Variants in STIMATE observed in about 807,000 individuals in gnomAD.
STIMATE encodes store-operated calcium entry regulator STIMATE.
Under a neutral mutation model 36.7 loss-of-function variants are expected in STIMATE, and 15 were observed. The ratio of observed to expected loss-of-function variants is 0.41; its 90% CI spans 0.27 to 0.63. The LOEUF is 0.63. STIMATE is among the 20% of genes least tolerant of loss of function. The probability of loss-of-function intolerance (pLI) is 0.32; values close to 1 mark genes in which losing one functional copy is unlikely to be tolerated. For missense variants in STIMATE, 305 were observed against 397.3 expected, an observed-to-expected ratio of 0.77 and a Z score of 1.98; for synonymous variants, 163 against 162.3, an observed-to-expected ratio of 1.00 and a Z score of -0.03.
intron 1 of STIMATE, among the ~76,000 whole-genome samples, chr3:52,876,023 TA>T (rs1701498789): frequency 1.3e-5 from 2 of 152,192 alleles, no homozygotes; most frequent in African/African-American, 4.8e-5. Flanking sequence ...CTCTACTCCC[TA>T]AAGCCAGTAT....
intron 1 of STIMATE, among the ~76,000 whole-genome samples, chr3:52,887,385 C>A (rs918193992): frequency 6.6e-6 from 1 of 152,166 alleles, no homozygotes; most frequent in African/African-American, 2.4e-5. Context: ...TGGACCGGAC[C>A]CAGGCACAGG....
At chr3:52,888,241 G>A (rs1450353239) in intron 1 of STIMATE, among the ~76,000 whole-genome samples, 4 of 151,970 alleles carry the variant, frequency 2.6e-5, no homozygotes, top group Non-Finnish European at 5.9e-5. Context: ...AACATACAAC[G>A]GGCTGCCTCA....
At chr3:52,853,220 A>C (rs973523448) in intron 2 of STIMATE, among the ~76,000 whole-genome samples, 5 of 152,342 alleles carry the variant, frequency 3.3e-5, no homozygotes, top group African/African-American at 1.2e-4. Context: ...CTCTGTCTCA[A>C]TTCCTCAGCC....
chr3:52,869,998 T>C (rs549201302), intron 1 of STIMATE, among the ~76,000 whole-genome samples: 2 of 152,324 alleles, frequency 1.3e-5, no homozygotes, highest in East Asian at 3.9e-4. Context: ...ATGCACATGC[T>C]AGCAAGAAGC....
chr3:52,855,655 C>G (rs188758338), intron 1 of STIMATE, among the ~76,000 whole-genome samples: 1 of 152,204 alleles, frequency 6.6e-6, no homozygotes, highest in African/African-American at 2.4e-5. Flanking sequence ...GAACTGGACA[C>G]TTAGGGAGAA....
intron 1 of STIMATE, among the ~76,000 whole-genome samples, chr3:52,885,397 T>C (rs1184239323): frequency 6.6e-6 from 1 of 152,218 alleles, no homozygotes; most frequent in Non-Finnish European, 1.5e-5. Flanking sequence ...TCAAGGCTTG[T>C]TTTTAAACTT....
intron 1 of STIMATE, among the ~76,000 whole-genome samples, chr3:52,888,121 T>C (rs1701724016): frequency 6.7e-6 from 1 of 150,214 alleles, no homozygotes; most frequent in Non-Finnish European, 1.5e-5. Context: ...ACTATGTCTT[T>C]AGGACCGTAA....
chr3:52,887,272 T>G (rs1235081992), intron 1 of STIMATE, among the ~76,000 whole-genome samples: 2 of 152,234 alleles, frequency 1.3e-5, no homozygotes, highest in East Asian at 3.8e-4. Context: ...CCCAGCCTCC[T>G]TCCACCTCCC....
intron 1 of STIMATE, among the ~76,000 whole-genome samples, chr3:52,875,786 C>A (rs1701494711): frequency 6.6e-6 from 1 of 152,190 alleles, no homozygotes; most frequent in South Asian, 2.1e-4. Context: ...ATGATTACAC[C>A]TGCCCTCTTG....
At chr3:52,873,346 C>T (rs112494381) in intron 1 of STIMATE, among the ~76,000 whole-genome samples, 4,710 of 152,274 alleles carry the variant, frequency 0.031, 285 homozygotes, top group African/African-American at 0.11. Flanking sequence ...TTAATAACAG[C>T]AATTTTGAAG....
intron 1 of STIMATE, among the ~76,000 whole-genome samples, chr3:52,887,979 C>A: frequency 8.3e-6 from 1 of 119,902 alleles, no homozygotes; most frequent in South Asian, 3.0e-4. Context: ...GCTCTAACTT[C>A]ATATAACAGA....
At chr3:52,887,992 C>G in intron 1 of STIMATE, among the ~76,000 whole-genome samples, 1 of 34,786 alleles carries the variant, frequency 2.9e-5, no homozygotes, top group African/African-American at 8.0e-5. Context: ...ATAACAGAAT[C>G]AGTTTTTTTT....
chr3:52,844,755 G>C, intron 5 of STIMATE, 74 bp downstream of exon 5: 1 of 1,553,284 alleles, frequency 6.4e-7, no homozygotes, highest in Non-Finnish European at 8.8e-7. Flanking sequence ...TAGAGTTGGC[G>C]TATGTGGGTG....
At chr3:52,843,382 G>A (rs901023720) in intron 6 of STIMATE, among the ~76,000 whole-genome samples, 7 of 152,074 alleles carry the variant, frequency 4.6e-5, no homozygotes, top group Non-Finnish European at 8.8e-5. Flanking sequence ...AGTTTCTCAA[G>A]ATCCGTGGTC....
At chr3:52,853,944 T>C (rs1701050927) in intron 2 of STIMATE, among the ~76,000 whole-genome samples, 1 of 152,238 alleles carries the variant, frequency 6.6e-6, no homozygotes, top group Non-Finnish European at 1.5e-5. Flanking sequence ...TTCCAAGTGA[T>C]GTATTATTTT....
chr3:52,893,857 C>T (rs559753550), intron 1 of STIMATE, among the ~76,000 whole-genome samples: 3 of 152,276 alleles, frequency 2.0e-5, no homozygotes, highest in Admixed American at 6.5e-5. Context: ...TGACTGTGCA[C>T]GGTGAGGGAG....
intron 2 of STIMATE, 122 bp downstream of exon 2, chr3:52,855,269 CATTAT>C: frequency 1.7e-6 from 2 of 1,202,804 alleles, no homozygotes; most frequent in Non-Finnish European, 2.3e-6. Context: ...ATTCCACATA[CATTAT>C]ATTATGTATC....
chr3:52,895,819 A>G, intron 1 of STIMATE: 1 of 1,172,812 alleles, frequency 8.5e-7, no homozygotes, highest in Non-Finnish European at 1.1e-6. Flanking sequence ...CTTCCTTCAG[A>G]GAGAAAGGAA....
chr3:52,886,341 C>A (rs1367494541), intron 1 of STIMATE, among the ~76,000 whole-genome samples: 1 of 152,190 alleles, frequency 6.6e-6, no homozygotes, highest in Non-Finnish European at 1.5e-5. Flanking sequence ...CCCAGTCCTG[C>A]AGTGAGGCCC....
Sources: gnomAD v4.1 joint callset for allele counts (sites outside exome capture counted in the v4.1 genomes callset) on GRCh38, gnomAD v4.1.1 for gene constraint, MANE v1.5 for transcripts, NCBI Gene and HGNC (gene_info 2026-07-23, HGNC 2026-07-21) for gene names.